The following EPS8 variants were observed in gnomAD, a reference collection of about 807,000 sequenced individuals.
EPS8 encodes epidermal growth factor receptor kinase substrate 8.
In EPS8, 42 loss-of-function variants were observed where a neutral mutation model predicts 103.8. The observed-to-expected ratio is 0.40, with a 90% CI of 0.32 to 0.52. EPS8 has a LOEUF of 0.52. Among genes scored for constraint, EPS8 ranks in the 20% least tolerant of loss-of-function variants. EPS8 has a pLI of 0.40. For synonymous variants in EPS8, 344 were observed against 344.6 expected, an observed-to-expected ratio of 1.00 and a Z score of 0.02; for missense variants, 969 against 1,005.1, an observed-to-expected ratio of 0.96 and a Z score of 0.49.
Position 15,725,435 on chromosome 12 carries a change from T to C in EPS8, c.-21-42463A>G, listed in dbSNP as rs10846236. ...GAATTCAAATCCAGCCTGGGCAATA[T>C]AGTGATACCCTGTCTCAAAAAAAAA... On this transcript the variant is annotated intron_variant, in intron 1 of 20. Coordinates refer to ENST00000281172, the MANE Select transcript of EPS8 (RefSeq NM_004447.6). The surrounding 1 kb of genome is among the most constrained non-coding windows in gnomAD (Gnocchi z 4.5). 9.5e-3 allele frequency among the ~76,000 whole-genome samples: 1,366 copies of C among 143,466 alleles called. 22 individuals carry two copies. Among genetic ancestry groups the C allele is most frequent in the African/African-American group, 0.034 (1,323 of 38,420 alleles). The allele number at this position is 143,466 out of a possible 152,430, so 94.1% of individuals were successfully genotyped here.
chr12:15,644,704 A>T (rs1485336873), intron 15 of EPS8, among the ~76,000 whole-genome samples: 1 of 152,108 alleles, frequency 6.6e-6, no homozygotes, highest in African/African-American at 2.4e-5. Flanking sequence ...TCTCAAAAAA[A>T]AAAAAAAAAA....
Position 15,748,073 on chromosome 12 carries a change from A to C in EPS8, c.-22+41088T>G, listed in dbSNP as rs1946894250. Among the ~76,000 whole-genome samples the C allele has an allele frequency of 6.6e-6, 1 of 152,128 alleles. No individual in the cohort carries two copies. Among genetic ancestry groups the C allele is most frequent in the Non-Finnish European group, 1.5e-5 (1 of 68,028 alleles). ...AAAGTAATGCCTCATGCATGCAAAA[A>C]AGGCAGAGAATTTGCTATCAAAAGG... On this transcript the variant is annotated intron_variant, in intron 1 of 20. Coordinates refer to ENST00000281172, the MANE Select transcript of EPS8 (RefSeq NM_004447.6). This position sits in a 1 kb window ranked among gnomAD's most constrained non-coding sequence, Gnocchi z 4.8.
rs138363106 is a variant in EPS8 at position 15,747,969 on chromosome 12, G to A, written c.-22+41192C>T. Among the ~76,000 whole-genome samples, 399 of 151,602 alleles carry A rather than the reference G, an allele frequency of 2.6e-3. 2 individuals carry two copies. Among genetic ancestry groups the A allele is most frequent in the African/African-American group, 9.2e-3 (381 of 41,282 alleles). On this transcript the variant is annotated intron_variant, in intron 1 of 20. Transcript: ENST00000281172. The surrounding 1 kb of genome is among the most constrained non-coding windows in gnomAD (Gnocchi z 4.4). ...CGGGAGGCGGAGATTGCAGTGAGCC[G>A]AGATCACACCACTGCACTCCAGCCT...
intron 1 of EPS8, among the ~76,000 whole-genome samples, chr12:15,722,268 A>AGC (rs796808184): frequency 3.1e-4 from 47 of 152,206 alleles, no homozygotes; most frequent in African/African-American, 1.1e-3. Flanking sequence ...CCGCACTCAA[A>AGC]GCTGTCCTGG....
chr12:15,731,255 C>G lies in EPS8; in HGVS notation c.-21-48283G>C, dbSNP rs1267391174. 6.6e-6 allele frequency among the ~76,000 whole-genome samples: 1 copy of G among 152,058 alleles called. No homozygotes were observed. The highest frequency in any genetic ancestry group is 2.4e-5 in the African/African-American group (1 of 41,424). ...TTTCAAAGTATTTTGAAGACAAATTCAGAATATAAAACTTTAATAAGCCTT... is the reference window on the plus strand; with the variant it reads ...TTTCAAAGTATTTTGAAGACAAATTGAGAATATAAAACTTTAATAAGCCTT... On this transcript the variant is annotated intron_variant, in intron 1 of 20. Coordinates refer to ENST00000281172, the MANE Select transcript of EPS8 (RefSeq NM_004447.6). The surrounding 1 kb of genome is among the most constrained non-coding windows in gnomAD (Gnocchi z 5.1).
At position 15,751,687 on chromosome 12, in the gene EPS8, G is replaced by A. The variant is rs1049564796; in HGVS notation, c.-22+37474C>T. ...ACCTAGTGAATGAAAGAATATACCC[G>A]TCCCTTGTACTTTTATGCTATGTTC... On this transcript the variant is annotated intron_variant, in intron 1 of 20. Transcript: ENST00000281172. This position sits in a 1 kb window ranked among gnomAD's most constrained non-coding sequence, Gnocchi z 4.3. Among the ~76,000 whole-genome samples, 4 of 152,092 alleles carry A rather than the reference G, an allele frequency of 2.6e-5. No homozygotes were observed. The highest frequency in any genetic ancestry group is 3.4e-3 in the Middle Eastern group (1 of 294).
intron 17 of EPS8, among the ~76,000 whole-genome samples, chr12:15,633,906 C>G (rs922044224): frequency 6.6e-6 from 1 of 152,184 alleles, no homozygotes; most frequent in Non-Finnish European, 1.5e-5. Context: ...CGTCACTTTT[C>G]TGTCTCCCTC....
At position 15,654,205 on chromosome 12, in the gene EPS8, G is replaced by A. The variant is rs1272529264; in HGVS notation, c.1190C>T (p.Thr397Ile). The change falls in exon 13 of 21, where the codon ACT becomes ATT. Residue 397 changes from threonine to isoleucine, a missense_variant. By Grantham distance (89) the Thr-to-Ile change is moderately conservative. Transcript: ENST00000281172. Reference sequence around the variant, plus strand: ...CAGCTGCCGTTCATCACCATTGACAGTATAATTTAAGAAATCAATTGTGTC... The same window carrying A: ...CAGCTGCCGTTCATCACCATTGACAATATAATTTAAGAAATCAATTGTGTC... Reference protein sequence around the residue: ...NKDTIDFLNYTVNGDERQLWM... With the variant: ...NKDTIDFLNYIVNGDERQLWM... 1.9e-6 allele frequency: 3 copies of A among 1,613,518 alleles called. No individual in the cohort carries two copies. Among genetic ancestry groups the A allele is most frequent in the South Asian group, 1.1e-5 (1 of 91,080 alleles).
At chr12:15,647,011 A>AC in intron 15 of EPS8, 116 bp downstream of exon 15, 1 of 990,052 alleles carries the variant, frequency 1.0e-6, no homozygotes, top group Non-Finnish European at 1.4e-6. Context: ...TTATCAACTA[A>AC]TTAACAGATG....
rs151009050 is a variant in EPS8 at position 15,695,346 on chromosome 12, C to G, written c.-21-12374G>C. Among the ~76,000 whole-genome samples, 258 of 152,302 alleles carry G rather than the reference C, an allele frequency of 1.7e-3. 8 individuals are homozygous for G. The East Asian group carries it at 0.04, about 23-fold the overall frequency. ...CTACTTCATTCATTCGCTCATTTAA[C>G]AAATAATTACTACGTAACCAGAATG... is the stretch of plus-strand genomic sequence containing the variant. On this transcript the variant is annotated intron_variant, in intron 1 of 20. Coordinates refer to ENST00000281172, the MANE Select transcript of EPS8 (RefSeq NM_004447.6). The surrounding 1 kb of genome is among the most constrained non-coding windows in gnomAD (Gnocchi z 5.0).
intron 3 of EPS8, among the ~76,000 whole-genome samples, chr12:15,676,246 C>T (rs1945904752): frequency 8.8e-6 from 1 of 113,424 alleles, no homozygotes; most frequent in Admixed American, 1.3e-4. Context: ...GGCGACAGGG[C>T]AAGACTCCAT....
intron 1 of EPS8, among the ~76,000 whole-genome samples, chr12:15,756,648 A>G (rs150534117): frequency 7.2e-5 from 11 of 152,324 alleles, no homozygotes; most frequent in South Asian, 4.1e-4. Flanking sequence ...ATTGTACCTT[A>G]TATTTTTTCA....
Position 15,780,694 on chromosome 12 carries a change from G to A in EPS8, c.-22+8467C>T, listed in dbSNP as rs919003719. 45 of 152,168 alleles carry A rather than the reference G, an allele frequency of 3.0e-4. No individual in the cohort carries two copies. Among genetic ancestry groups the A allele is most frequent in the African/African-American group, 1.0e-3 (43 of 41,506 alleles). The allele number at this position is 152,168 out of a possible 1,614,324, so 9.4% of individuals were successfully genotyped here. Reference sequence around the variant, plus strand: ...CTTCAGCTCCACACTGTACTAAAACGGGTGTCTGGCTGCCTCCATTCTCTG... The same window carrying A: ...CTTCAGCTCCACACTGTACTAAAACAGGTGTCTGGCTGCCTCCATTCTCTG... On this transcript the variant is annotated intron_variant, in intron 1 of 20. Coordinates refer to ENST00000281172, the MANE Select transcript of EPS8 (RefSeq NM_004447.6). The surrounding 1 kb of genome is among the most constrained non-coding windows in gnomAD (Gnocchi z 4.1).
chr12:15,652,549 T>A (rs1465945701), intron 13 of EPS8, among the ~76,000 whole-genome samples: 1 of 152,176 alleles, frequency 6.6e-6, no homozygotes, highest in Admixed American at 6.6e-5. Context: ...CTATCATATG[T>A]ACCCTGAAAA....
chr12:15,701,733 G>C lies in EPS8; in HGVS notation c.-21-18761C>G, dbSNP rs183631267. On this transcript the variant is annotated intron_variant, in intron 1 of 20. Coordinates refer to ENST00000281172, the MANE Select transcript of EPS8 (RefSeq NM_004447.6). The surrounding 1 kb of genome is among the most constrained non-coding windows in gnomAD (Gnocchi z 5.1). ...TCAATCTCACTTGTTTTTTAGTTTC[G>C]AAACATTGGAAATATCTCACAGACC... 3.9e-5 allele frequency among the ~76,000 whole-genome samples: 6 copies of C among 151,946 alleles called. No individual in the cohort carries two copies. Among genetic ancestry groups the C allele is most frequent in the Non-Finnish European group, 8.8e-5 (6 of 67,988 alleles).
At chr12:15,732,345 A>G (rs1946725855) in intron 1 of EPS8, among the ~76,000 whole-genome samples, 1 of 152,232 alleles carries the variant, frequency 6.6e-6, no homozygotes, top group Non-Finnish European at 1.5e-5. Flanking sequence ...TATGGTGATA[A>G]TGACAACAAC....
intron 5 of EPS8, 30 bp from the exon 6 acceptor site, chr12:15,669,566 C>T: frequency 6.4e-7 from 1 of 1,572,762 alleles, no homozygotes. Flanking sequence ...TTTATTTTGT[C>T]AAACTTCCAT....
chr12:15,718,332 G>C (rs1406789253), intron 1 of EPS8, among the ~76,000 whole-genome samples: 5 of 151,980 alleles, frequency 3.3e-5, no homozygotes, highest in Non-Finnish European at 2.9e-5. Context: ...TAAAATTTCT[G>C]AAAAAAGAAA....
chr12:15,651,154 T>C (rs1945407823), intron 13 of EPS8, 148 bp from the exon 14 acceptor site: 2 of 566,746 alleles, frequency 3.5e-6, no homozygotes, highest in African/African-American at 3.8e-5. Context: ...CTGTCTTCCA[T>C]CCACCCAAAA....
Sources: allele counts gnomAD v4.1 joint callset (sites outside exome capture counted in the v4.1 genomes callset), GRCh38; gene constraint gnomAD v4.1.1; non-coding constraint Gnocchi (gnomAD v3.1); transcripts MANE v1.5; gene names NCBI Gene and HGNC (gene_info 2026-07-23, HGNC 2026-07-21).